LRRC63: variants seen among roughly 807,000 people sequenced by gnomAD.
LRRC63 encodes leucine rich repeat containing 63, also known as leucine-rich repeat-containing protein 63.
Under a neutral mutation model 49.5 loss-of-function variants are expected in LRRC63, and 40 were observed. That is an observed-to-expected ratio of 0.81 (90% CI 0.63 to 1.05). The LOEUF (loss-of-function observed/expected upper bound fraction) is 1.05. Among genes scored for constraint, LRRC63 ranks in the 50% least tolerant of loss-of-function variants. The pLI, the probability that LRRC63 is intolerant of heterozygous loss-of-function variation, is 0.00. For missense variants in LRRC63, 636 were observed against 663.1 expected (o/e 0.96, Z 0.45); for synonymous variants, 191 against 221.1 (o/e 0.86, Z 1.21).
intron 5 of LRRC63, among the ~76,000 whole-genome samples, 175 bp from the exon 6 acceptor site, chr13:46,246,352 G>T (rs2138504796): frequency 6.6e-6 from 1 of 152,108 alleles, no homozygotes; most frequent in South Asian, 2.1e-4. Flanking sequence ...ACATACCAAA[G>T]AAATTATTAT....
rs539568546 is a variant in LRRC63, at chr13:46,212,668, T to A, written c.-33-334T>A. 5.3e-5 allele frequency among the ~76,000 whole-genome samples: 8 copies of A among 152,356 alleles called. No homozygotes were observed. The South Asian group carries it at 1.7e-3, about 32-fold the overall frequency. On this transcript the variant is annotated intron_variant, in intron 1 of 9. Transcript: ENST00000595396. ...AGAAAAAAAATGTCATTTCGACTAT[T>A]CTGAAAAATCAGTATTTACTAGTTG... is the stretch of plus-strand genomic sequence containing the variant.
At chr13:46,263,117 C>G (rs1261056646) in intron 8 of LRRC63, among the ~76,000 whole-genome samples, 1 of 151,780 alleles carries the variant, frequency 6.6e-6, no homozygotes, top group Non-Finnish European at 1.5e-5. Flanking sequence ...TTTACTTTCC[C>G]CTTTTCCTAC....
exon 10 of LRRC63, chr13:46,276,846 ATATATTTATATATATATATATT>A: frequency 6.8e-6 from 1 of 147,786 alleles, no homozygotes; most frequent in Non-Finnish European, 1.3e-5. Flanking sequence ...ATATATATAT[ATATATTTATATATATATATATT>A]TATATATATA....
At chr13:46,242,328 G>A (rs1282246360) in intron 5 of LRRC63, among the ~76,000 whole-genome samples, 1 of 152,102 alleles carries the variant, frequency 6.6e-6, no homozygotes, top group Admixed American at 6.5e-5. Context: ...GTGGAGGGTG[G>A]GAAGAGGGAG....
At chr13:46,274,180 A>C (rs2047799708) in intron 9 of LRRC63, among the ~76,000 whole-genome samples, 1 of 152,180 alleles carries the variant, frequency 6.6e-6, no homozygotes, top group Non-Finnish European at 1.5e-5. Flanking sequence ...ATGAACAGGC[A>C]GGAAATGCAA....
chr13:46,238,932 A>G (rs2046979155), intron 5 of LRRC63, among the ~76,000 whole-genome samples: 1 of 152,262 alleles, frequency 6.6e-6, no homozygotes, highest in African/African-American at 2.4e-5. Flanking sequence ...AGTACTTTGA[A>G]ATTAATGAGA....
intron 7 of LRRC63, among the ~76,000 whole-genome samples, chr13:46,254,372 T>A (rs1041209600): frequency 1.3e-5 from 2 of 152,062 alleles, no homozygotes; most frequent in African/African-American, 4.8e-5. Flanking sequence ...ATTGAAGATG[T>A]GGAAGGATGA....
intron 7 of LRRC63, among the ~76,000 whole-genome samples, chr13:46,258,893 A>C (rs2047569614): frequency 1.3e-5 from 2 of 152,076 alleles, no homozygotes; most frequent in African/African-American, 4.8e-5. Context: ...CCTTGACCTA[A>C]ATTTCTAAAA....
intron 7 of LRRC63, among the ~76,000 whole-genome samples, chr13:46,257,033 C>T (rs2047523116): frequency 6.6e-6 from 1 of 152,076 alleles, no homozygotes; most frequent in South Asian, 2.1e-4. Context: ...GTTGAGTGGT[C>T]CCAATCAAAT....
intron 7 of LRRC63, among the ~76,000 whole-genome samples, chr13:46,255,111 C>G (rs1455824028): frequency 6.6e-6 from 1 of 151,502 alleles, no homozygotes; most frequent in East Asian, 1.9e-4. Flanking sequence ...CTAGTATATG[C>G]TACAACAACA....
At chr13:46,217,894 A>C (rs1459504352) in intron 2 of LRRC63, among the ~76,000 whole-genome samples, 1 of 152,154 alleles carries the variant, frequency 6.6e-6, no homozygotes, top group Non-Finnish European at 1.5e-5. Flanking sequence ...CAGGTTGTTC[A>C]GTTTCCATGT....
At chr13:46,217,954 G>T (rs1366400636) in intron 2 of LRRC63, among the ~76,000 whole-genome samples, 2 of 151,958 alleles carry the variant, frequency 1.3e-5, no homozygotes, top group Non-Finnish European at 2.9e-5. Context: ...TAATTTGATT[G>T]CACTGAAGAG....
chr13:46,224,459 T>C (rs908234326), intron 2 of LRRC63, among the ~76,000 whole-genome samples: 1 of 152,190 alleles, frequency 6.6e-6, no homozygotes, highest in Non-Finnish European at 1.5e-5. Flanking sequence ...TTCTCATTCA[T>C]ATCCTGAATT....
At chr13:46,254,673 A>G (rs1020288561) in intron 7 of LRRC63, among the ~76,000 whole-genome samples, 3 of 152,190 alleles carry the variant, frequency 2.0e-5, no homozygotes, top group Non-Finnish European at 4.4e-5. Context: ...TTTTAAAGAA[A>G]GTTGTGATGA....
At chr13:46,267,144 T>A (rs1042924169) in intron 9 of LRRC63, among the ~76,000 whole-genome samples, 172 bp downstream of exon 9, 5 of 152,220 alleles carry the variant, frequency 3.3e-5, no homozygotes, top group Admixed American at 3.3e-4. Flanking sequence ...GGTATAATAA[T>A]GTAGTCTGAA....
At chr13:46,221,009 A>C (rs527867649) in intron 2 of LRRC63, among the ~76,000 whole-genome samples, 1 of 152,146 alleles carries the variant, frequency 6.6e-6, no homozygotes, top group East Asian at 1.9e-4. Context: ...TTCCATACTT[A>C]CTCCTACGCA....
chr13:46,241,675 C>T (rs150432917), intron 5 of LRRC63, among the ~76,000 whole-genome samples: 2 of 152,254 alleles, frequency 1.3e-5, no homozygotes, highest in East Asian at 3.9e-4. Context: ...CATGAAAAGA[C>T]ACTCCAAAAG....
intron 5 of LRRC63, among the ~76,000 whole-genome samples, chr13:46,235,507 C>G (rs1469475854): frequency 6.6e-6 from 1 of 151,688 alleles, no homozygotes; most frequent in African/African-American, 2.4e-5. Flanking sequence ...AAATAGAAAC[C>G]AAAACAACAA....
rs569506055 is a variant in LRRC63, at chr13:46,227,326, G to A, written c.86-186G>A. ...TACAATTTAGCCTTGTCACTTCTCC[G>A]GTTGCTCACTCAAACTTTATACCAG... On this transcript the variant is annotated intron_variant, in intron 2 of 9. Coordinates refer to ENST00000595396, the Ensembl canonical transcript of LRRC63. 8.5e-5 allele frequency among the ~76,000 whole-genome samples: 13 copies of A among 152,132 alleles called. No individual in the cohort carries two copies. The South Asian group carries it at 2.3e-3, about 27-fold the overall frequency.
Sources: gnomAD v4.1 joint callset for allele counts (sites outside exome capture counted in the v4.1 genomes callset) on GRCh38, gnomAD v4.1.1 for gene constraint, MANE v1.5 for transcripts, NCBI Gene and HGNC (gene_info 2026-07-23, HGNC 2026-07-21) for gene names.